The following ADAM9 variants were observed in gnomAD, a reference collection of about 807,000 sequenced individuals.
ADAM9 encodes ADAM metallopeptidase domain 9.
In ADAM9, 54 loss-of-function variants were observed where a neutral mutation model predicts 108.1. The observed-to-expected ratio is 0.50, with a 90% CI of 0.40 to 0.63. The LOEUF is 0.63. Ranked by LOEUF, ADAM9 falls within the 20% of genes least tolerant of loss-of-function variation. ADAM9 has a pLI of 0.00. For synonymous variants in ADAM9, 316 were observed against 336.0 expected, an observed-to-expected ratio of 0.94 and a Z score of 0.65; for missense variants, 830 against 997.7, an observed-to-expected ratio of 0.83 and a Z score of 2.26.
intron 21 of ADAM9, among the ~76,000 whole-genome samples, chr8:39,102,472 G>A (rs1285809091): frequency 6.6e-6 from 1 of 152,068 alleles, no homozygotes; most frequent in African/African-American, 2.4e-5. Flanking sequence ...AGGGCAGAGG[G>A]GACAAAATTT....
intron 15 of ADAM9, 60 bp downstream of exon 15, chr8:39,071,463 ATC>A: frequency 7.9e-5 from 63 of 797,594 alleles, no homozygotes; most frequent in Non-Finnish European, 1.0e-4. Flanking sequence ...CATCTCTAGT[ATC>A]TTTTTTTTTT....
chr8:39,045,156 A>T (rs1333156743), intron 12 of ADAM9, among the ~76,000 whole-genome samples: 1 of 122,424 alleles, frequency 8.2e-6, no homozygotes, highest in Non-Finnish European at 1.9e-5. Flanking sequence ...ATATATGTGT[A>T]TACATACATA....
chr8:39,019,814 C>A (rs1233204403), intron 7 of ADAM9, among the ~76,000 whole-genome samples: 2 of 152,062 alleles, frequency 1.3e-5, no homozygotes, highest in Non-Finnish European at 2.9e-5. Flanking sequence ...CCCCAAATAA[C>A]TAATTTGGAG....
intron 11 of ADAM9, among the ~76,000 whole-genome samples, chr8:39,027,496 G>A (rs765537779): frequency 8.5e-5 from 13 of 152,156 alleles, no homozygotes; most frequent in Non-Finnish European, 1.6e-4. Flanking sequence ...TGCAGATGAG[G>A]AAACTGAGGT....
chr8:39,050,492 G>A (rs372056387), intron 12 of ADAM9, among the ~76,000 whole-genome samples: 3 of 147,782 alleles, frequency 2.0e-5, no homozygotes, highest in Non-Finnish European at 3.0e-5. Context: ...AAGGTAACCC[G>A]ACTTTGAGTT....
intron 13 of ADAM9, 131 bp downstream of exon 13, chr8:39,054,704 T>C: frequency 1.4e-6 from 1 of 707,858 alleles, no homozygotes; most frequent in Non-Finnish European, 2.3e-6. Flanking sequence ...GGAAAAATTT[T>C]ATGCCACTTG....
At chr8:39,052,821 TTATGTTTTTAA>T (rs1409577943) in intron 12 of ADAM9, among the ~76,000 whole-genome samples, 1 of 152,198 alleles carries the variant, frequency 6.6e-6, no homozygotes, top group African/African-American at 2.4e-5. Context: ...TTATGTGAAC[TTATGTTTTTAA>T]TACTGTTGGG....
intron 12 of ADAM9, among the ~76,000 whole-genome samples, chr8:39,052,254 G>A (rs1393364891): frequency 6.6e-6 from 1 of 151,980 alleles, no homozygotes; most frequent in Non-Finnish European, 1.5e-5. Context: ...GTAGATTATA[G>A]GCATCATTTT....
Position 39,017,390 on chromosome 8 carries a change from T to G in ADAM9, c.582T>G (p.Pro194=), listed in dbSNP as rs1322525283. The change falls in exon 6 of 22, where the codon CCT becomes CCG. Residue 194 remains proline (P), a synonymous_variant. Coordinates refer to ENST00000487273, the MANE Select transcript of ADAM9 (RefSeq NM_003816.3). ...CTGCAAAGGATGAAGAGGAAGAGCC[T>G]CCCAGCATGACTCAGCTACTTCGAG... is the stretch of plus-strand genomic sequence containing the variant. ...KETAKDEEEE[P]PSMTQLLRRR... is the part of the protein sequence containing the mutation. 4 of 1,614,054 alleles carry G rather than the reference T, an allele frequency of 2.5e-6. No homozygotes were observed. Among genetic ancestry groups the G allele is most frequent in the Non-Finnish European group, 3.4e-6 (4 of 1,179,962 alleles).
At chr8:39,097,062 T>C (rs1839527997) in intron 20 of ADAM9, among the ~76,000 whole-genome samples, 2 of 152,208 alleles carry the variant, frequency 1.3e-5, no homozygotes, top group East Asian at 1.9e-4. Context: ...TTCTTTGTAT[T>C]ATTTGTCATT....
chr8:39,019,363 A>C (rs1836658634), intron 7 of ADAM9, among the ~76,000 whole-genome samples: 1 of 152,206 alleles, frequency 6.6e-6, no homozygotes, highest in African/African-American at 2.4e-5. Flanking sequence ...CATGCTTTAG[A>C]AGGGAATAGT....
chr8:39,066,022 A>C (rs912676438), intron 14 of ADAM9, among the ~76,000 whole-genome samples: 1 of 151,842 alleles, frequency 6.6e-6, no homozygotes, highest in Admixed American at 6.6e-5. Flanking sequence ...TGTCCTTGGG[A>C]TAGTTTGCTG....
intron 12 of ADAM9, among the ~76,000 whole-genome samples, chr8:39,052,424 G>T (rs1053883272): frequency 6.6e-6 from 1 of 151,712 alleles, no homozygotes; most frequent in African/African-American, 2.4e-5. Flanking sequence ...ACTTTTCATA[G>T]GTTACATTTT....
chr8:39,082,152 A>C (rs1839044412), intron 16 of ADAM9, among the ~76,000 whole-genome samples: 1 of 152,158 alleles, frequency 6.6e-6, no homozygotes. Flanking sequence ...TTATCTTGTC[A>C]ACAAAGTACC....
At position 39,104,012 on chromosome 8, in the gene ADAM9, T is replaced by C; in HGVS notation, c.*312T>C. 1 of 531,674 alleles carries C rather than the reference T, an allele frequency of 1.9e-6. No homozygotes were observed. The highest frequency in any genetic ancestry group is 3.6e-6 in the Non-Finnish European group (1 of 278,566). The allele number at this position is 531,674 out of a possible 1,614,324, so 32.9% of individuals were successfully genotyped here. A position where few individuals can be genotyped will look rare whatever the true frequency, so the allele number is the denominator to read the frequency against. On this transcript the variant is annotated 3_prime_UTR_variant, in exon 22 of 22. Transcript: ENST00000487273. Reference sequence around the variant, plus strand: ...CATGTTATTGCAGTGATTCTCAAATTAACTGTATTGGTGTAAGAGTTTTGT... The same window carrying C: ...CATGTTATTGCAGTGATTCTCAAATCAACTGTATTGGTGTAAGAGTTTTGT...
At chr8:39,097,642 T>C (rs1321903591) in intron 20 of ADAM9, among the ~76,000 whole-genome samples, 3 of 152,132 alleles carry the variant, frequency 2.0e-5, no homozygotes, top group African/African-American at 7.2e-5. Flanking sequence ...TTAAAAAAAT[T>C]CTACAATATA....
chr8:39,096,339 C>A (rs1229874755), intron 20 of ADAM9, among the ~76,000 whole-genome samples: 5 of 125,940 alleles, frequency 4.0e-5, no homozygotes, highest in East Asian at 3.0e-4. Context: ...TTCTATAGCA[C>A]ATATATTGTG....
chr8:39,009,341 G>A (rs1286217503), intron 2 of ADAM9, among the ~76,000 whole-genome samples: 1 of 152,244 alleles, frequency 6.6e-6, no homozygotes, highest in Non-Finnish European at 1.5e-5. Flanking sequence ...CTGGGTTCAA[G>A]TGATTCTCGT....
At chr8:39,042,253 G>A (rs34138150) in intron 12 of ADAM9, 136 bp downstream of exon 12, 255,575 of 933,520 alleles carry the variant, frequency 0.27, 35,928 homozygotes, top group South Asian at 0.32. Context: ...TATTTTGTTT[G>A]TATGGCTGTG....
Sources: gnomAD v4.1 joint callset for allele counts (sites outside exome capture counted in the v4.1 genomes callset) on GRCh38, gnomAD v4.1.1 for gene constraint, MANE v1.5 for transcripts, NCBI Gene and HGNC (gene_info 2026-07-23, HGNC 2026-07-21) for gene names.